KDM5B: variants seen among roughly 807,000 people sequenced by gnomAD.
KDM5B encodes the protein lysine demethylase 5B, also known as lysine-specific demethylase 5B.
Under a neutral mutation model 193.4 loss-of-function variants are expected in KDM5B, and 144 were observed. That is an observed-to-expected ratio of 0.74 (90% CI 0.65 to 0.86). The LOEUF (loss-of-function observed/expected upper bound fraction) is 0.86, where lower values mean the gene tolerates loss of function less well. Ranked by LOEUF, KDM5B falls within the 40% of genes least tolerant of loss-of-function variation. KDM5B has a pLI of 0.00. For missense variants in KDM5B, 1,833 were observed against 1,886.9 expected, an observed-to-expected ratio of 0.97 and a Z score of 0.53; for synonymous variants, 668 against 682.6, an observed-to-expected ratio of 0.98 and a Z score of 0.33.
chr1:202,771,109 G>A (rs1434839024), intron 4 of KDM5B, among the ~76,000 whole-genome samples: 1 of 152,184 alleles, frequency 6.6e-6, no homozygotes, highest in African/African-American at 2.4e-5. Flanking sequence ...TCCGTACTTA[G>A]GAAGAGTTCA....
intron 1 of KDM5B, among the ~76,000 whole-genome samples, chr1:202,794,791 G>A (rs1466456405): frequency 2.0e-5 from 3 of 152,184 alleles, no homozygotes; most frequent in African/African-American, 7.2e-5. Flanking sequence ...TGAAACCATG[G>A]ATAGCAAATA....
chr1:202,743,992 G>A (rs1655452187), intron 16 of KDM5B, among the ~76,000 whole-genome samples: 1 of 152,202 alleles, frequency 6.6e-6, no homozygotes, highest in African/African-American at 2.4e-5. Flanking sequence ...TGACAAATGG[G>A]ATCTAATTAA....
In KDM5B at chr1:202,736,392, C is replaced by A; in HGVS notation, c.3085G>T (p.Ala1029Ser). ...DWLQDVEGLQAGGRVPVLDTL... is the reference protein window; with the variant it reads ...DWLQDVEGLQSGGRVPVLDTL... Reference sequence around the variant, plus strand: ...TCTAACACTGGCACACGTCCTCCAGCCTAATAAGTCAAGAAAAATTACAGC... The same window carrying A: ...TCTAACACTGGCACACGTCCTCCAGACTAATAAGTCAAGAAAAATTACAGC... Residue 1029 changes from alanine (A) to serine (S), a missense_variant and splice_region_variant, in exon 21 of 27, where the codon GCT becomes TCT. Coordinates refer to ENST00000367265, the MANE Select transcript of KDM5B (RefSeq NM_006618.5). 1.3e-6 allele frequency: 2 copies of A among 1,539,456 alleles called. No individual in the cohort carries two copies. The highest frequency in any genetic ancestry group is 1.8e-6 in the Non-Finnish European group (2 of 1,142,180).
At chr1:202,742,331 A>G in intron 18 of KDM5B, 60 bp downstream of exon 18, 1 of 1,133,916 alleles carries the variant, frequency 8.8e-7, no homozygotes, top group Non-Finnish European at 1.3e-6. Flanking sequence ...ATATCAATAG[A>G]GTTTATATAC....
chr1:202,784,449 T>A (rs1014140764), intron 1 of KDM5B, among the ~76,000 whole-genome samples: 55 of 152,308 alleles, frequency 3.6e-4, no homozygotes, highest in African/African-American at 1.3e-3. Context: ...ACTTGCAAGT[T>A]AGCAAATCTT....
chr1:202,766,509 A>G, intron 5 of KDM5B: 1 of 425,106 alleles, frequency 2.4e-6, no homozygotes, highest in Non-Finnish European at 4.6e-6. Flanking sequence ...CTGTCTCTAA[A>G]AAAAAAAAAA....
chr1:202,775,239 A>G (rs781549593), intron 2 of KDM5B, among the ~76,000 whole-genome samples: 2 of 151,308 alleles, frequency 1.3e-5, no homozygotes, highest in Non-Finnish European at 2.9e-5. Flanking sequence ...TCTGTCTCAA[A>G]ATAATAATAA....
At position 202,729,171 on chromosome 1, in the gene KDM5B, C is replaced by T. The variant is rs1483942007; in HGVS notation, c.4500G>A (p.Val1500=). ...AGCTGCCATCACACTGGACCCAGTC[C>T]ACCTGGTTACAAAGAGCAGGAAGAT... ...VSCLQPEGDE[V]DWVQCDGSCN... is the part of the protein sequence containing the mutation. The change falls in exon 27 of 27, where the codon GTG becomes GTA. Residue 1500 remains valine (V), a splice_region_variant and synonymous_variant. Coordinates refer to ENST00000367265, the MANE Select transcript of KDM5B (RefSeq NM_006618.5). 3 of 1,613,928 alleles carry T rather than the reference C, an allele frequency of 1.9e-6. No individual in the cohort carries two copies. Among genetic ancestry groups the T allele is most frequent in the African/African-American group, 2.7e-5 (2 of 74,902 alleles).
At chr1:202,804,826 T>A (rs1414033039) in intron 1 of KDM5B, among the ~76,000 whole-genome samples, 3 of 140,376 alleles carry the variant, frequency 2.1e-5, no homozygotes, top group Non-Finnish European at 4.5e-5. Flanking sequence ...GATGAGCCAC[T>A]GCACTCCAGG....
At chr1:202,807,890 C>G (rs1334931365) in intron 1 of KDM5B, among the ~76,000 whole-genome samples, 2 of 152,126 alleles carry the variant, frequency 1.3e-5, no homozygotes, top group Admixed American at 1.3e-4. Context: ...CGCCGAAGCC[C>G]CCGGTTCTCC....
At chr1:202,739,441 CT>C (rs58981694) in intron 20 of KDM5B, among the ~76,000 whole-genome samples, 32,302 of 143,958 alleles carry the variant, frequency 0.22, 4,065 homozygotes, top group Non-Finnish European at 0.31. Flanking sequence ...CAATATTGCT[CT>C]TTTTTTTTTT....
At chr1:202,740,945 CTG>C in intron 19 of KDM5B, 133 bp from the exon 20 acceptor site, 1 of 856,416 alleles carries the variant, frequency 1.2e-6, no homozygotes. Context: ...TTGTCTATTC[CTG>C]TTGAAAATTA....
intron 12 of KDM5B, among the ~76,000 whole-genome samples, chr1:202,752,484 T>C (rs1415115004): frequency 6.6e-6 from 1 of 152,182 alleles, no homozygotes; most frequent in African/African-American, 2.4e-5. Context: ...CAAAATCACC[T>C]AGCAACGCAT....
chr1:202,793,391 G>A (rs1408432894), intron 1 of KDM5B, among the ~76,000 whole-genome samples: 1 of 152,200 alleles, frequency 6.6e-6, no homozygotes, highest in Non-Finnish European at 1.5e-5. Flanking sequence ...CAATGCAGTA[G>A]TTCAGAGCAG....
In KDM5B at chr1:202,740,665, A is replaced by T; in HGVS notation, c.3084+9T>A. The T allele has an allele frequency of 1.2e-6, 2 of 1,609,556 alleles. No individual in the cohort carries two copies. Among genetic ancestry groups the T allele is most frequent in the Non-Finnish European group, 1.7e-6 (2 of 1,178,250 alleles). On this transcript the variant is annotated intron_variant, in intron 20 of 26. Transcript: ENST00000367265. ...CTTACACATTCTGTATATACTTTTT[A>T]AAACCAACCTGCAGGCCCTCTACAT...
At position 202,800,818 on chromosome 1, in the gene KDM5B, C is replaced by G. The variant is rs190914163; in HGVS notation, c.204+7284G>C. Among the ~76,000 whole-genome samples, 161 of 152,340 alleles carry G rather than the reference C, an allele frequency of 1.1e-3. 2 individuals are homozygous for G. Among genetic ancestry groups the G allele is most frequent in the Non-Finnish European group, 1.6e-3 (110 of 68,026 alleles). On this transcript the variant is annotated intron_variant, in intron 1 of 26. Transcript: ENST00000367265. ...GTTAGCAGAGACTAACCTCCACCCA[C>G]CAACCGACTCCAACACCTCCATGTG...
At position 202,788,120 on chromosome 1, in the gene KDM5B, T is replaced by C. The variant is rs80090908; in HGVS notation, c.205-11026A>G. Among the ~76,000 whole-genome samples, 700 of 152,292 alleles carry C rather than the reference T, an allele frequency of 4.6e-3. 5 individuals carry two copies. Among genetic ancestry groups the C allele is most frequent in the African/African-American group, 0.016 (677 of 41,548 alleles). ...ATTTAAAACACAGCCCTTTCAAGTG[T>C]ATTCTCCATTCACTAATAGTGATTT... On this transcript the variant is annotated intron_variant, in intron 1 of 26. Coordinates refer to ENST00000367265, the MANE Select transcript of KDM5B (RefSeq NM_006618.5).
chr1:202,761,027 AG>A lies in KDM5B; in HGVS notation c.919-455del, dbSNP rs201136860. 3.4e-3 allele frequency among the ~76,000 whole-genome samples: 476 copies of A among 139,440 alleles called. 2 individuals carry two copies. The highest frequency in any genetic ancestry group is 9.3e-3 in the African/African-American group (329 of 35,300). The allele number at this position is 139,440 out of a possible 152,430, so 91.5% of individuals were successfully genotyped here. A position where few individuals can be genotyped will look rare whatever the true frequency, so the allele number is the denominator to read the frequency against. On this transcript the variant is annotated intron_variant, in intron 7 of 26. Transcript: ENST00000367265. The stretch of plus-strand genomic sequence containing the variant: ...TGGGTGACAGAGACCCTGTCTCAGG[AG>A]AAAAAAAAAAAAGATACCAGGTAAT...
chr1:202,775,617 A>G (rs1656910253), intron 2 of KDM5B, among the ~76,000 whole-genome samples: 1 of 151,398 alleles, frequency 6.6e-6, no homozygotes, highest in Non-Finnish European at 1.5e-5. Context: ...GCACTTTGGG[A>G]GGCCAAAATG....
Sources: allele counts gnomAD v4.1 joint callset (sites outside exome capture counted in the v4.1 genomes callset), GRCh38; gene constraint gnomAD v4.1.1; transcripts MANE v1.5; gene names NCBI Gene and HGNC (gene_info 2026-07-23, HGNC 2026-07-21).